The following RBMS3 variants were observed in gnomAD, a reference collection of about 807,000 sequenced individuals.
RBMS3 encodes RNA binding motif single stranded interacting protein 3, also known as RNA-binding motif, single-stranded-interacting protein 3.
A neutral mutation model predicts 66.8 loss-of-function variants in RBMS3; 27 were observed. The observed-to-expected ratio is 0.40, with a 90% confidence interval of 0.30 to 0.56. The LOEUF is 0.56. Among genes scored for constraint, RBMS3 ranks in the 20% least tolerant of loss-of-function variants. RBMS3 has a pLI of 0.40. For missense variants in RBMS3, 513 were observed against 549.5 expected, an observed-to-expected ratio of 0.93 and a Z score of 0.66; for synonymous variants, 188 against 183.0, an observed-to-expected ratio of 1.03 and a Z score of -0.22.
intron 3 of RBMS3, among the ~76,000 whole-genome samples, chr3:29,562,704 C>T (rs1181947301): frequency 2.6e-5 from 4 of 152,230 alleles, no homozygotes; most frequent in Middle Eastern, 3.4e-3. Flanking sequence ...GAGGATCTGC[C>T]GGTATCACCT....
intron 11 of RBMS3, among the ~76,000 whole-genome samples, chr3:29,943,811 T>C (rs1253119190): frequency 2.0e-5 from 3 of 151,814 alleles, no homozygotes; most frequent in Non-Finnish European, 4.4e-5. Context: ...ATTTTAGTTC[T>C]TTCTTTTGTT....
chr3:29,897,651 T>C (rs1159222718), intron 9 of RBMS3, among the ~76,000 whole-genome samples, 176 bp downstream of exon 9: 2 of 151,692 alleles, frequency 1.3e-5, no homozygotes, highest in Admixed American at 6.6e-5. Flanking sequence ...CCTGTTTGCA[T>C]CAATTCACTG....
intron 1 of RBMS3, among the ~76,000 whole-genome samples, chr3:29,408,231 C>T (rs1427475059): frequency 1.4e-5 from 2 of 145,266 alleles, no homozygotes; most frequent in Non-Finnish European, 3.0e-5. Flanking sequence ...GAGATTGCGC[C>T]ACTGCACTCC....
At chr3:29,951,760 A>G (rs1695695825) in intron 12 of RBMS3, among the ~76,000 whole-genome samples, 1 of 151,638 alleles carries the variant, frequency 6.6e-6, no homozygotes, top group Non-Finnish European at 1.5e-5. Context: ...AGAGTTAATT[A>G]TATTATCTTT....
intron 3 of RBMS3, among the ~76,000 whole-genome samples, chr3:29,517,319 ATT>A (rs140882570): frequency 1.4e-4 from 18 of 129,522 alleles, no homozygotes; most frequent in African/African-American, 5.0e-4. Flanking sequence ...ATATATATAT[ATT>A]TTTTTTTTGT....
chr3:29,912,637 T>C (rs1231167014), intron 10 of RBMS3, among the ~76,000 whole-genome samples: 2 of 152,200 alleles, frequency 1.3e-5, no homozygotes, highest in East Asian at 1.9e-4. Flanking sequence ...ACATTTCTTT[T>C]ATTAACTCTC....
intron 6 of RBMS3, among the ~76,000 whole-genome samples, chr3:29,802,148 A>G (rs144459826): frequency 2.3e-3 from 352 of 152,286 alleles, no homozygotes; most frequent in African/African-American, 8.3e-3. Context: ...CTCTACTGTT[A>G]AAACCTGACA....
At chr3:29,368,283 C>A (rs894313287) in intron 1 of RBMS3, among the ~76,000 whole-genome samples, 1 of 152,098 alleles carries the variant, frequency 6.6e-6, no homozygotes, top group Non-Finnish European at 1.5e-5. Flanking sequence ...TGTGAACTAG[C>A]AAATCCTATT....
At chr3:29,589,019 A>ATG (rs2047632350) in intron 4 of RBMS3, among the ~76,000 whole-genome samples, 1 of 152,132 alleles carries the variant, frequency 6.6e-6, no homozygotes, top group Admixed American at 6.6e-5. Context: ...TTTAGAAGTA[A>ATG]TGAAAACAGC....
intron 1 of RBMS3, among the ~76,000 whole-genome samples, chr3:29,427,440 T>A (rs1301336048): frequency 6.6e-6 from 1 of 152,190 alleles, no homozygotes; most frequent in African/African-American, 2.4e-5. Context: ...TCTTATCGTG[T>A]CCACTCTCTC....
chr3:29,484,425 G>T (rs1214563891), intron 2 of RBMS3, among the ~76,000 whole-genome samples: 1 of 151,992 alleles, frequency 6.6e-6, no homozygotes, highest in African/African-American at 2.4e-5. Flanking sequence ...TGGTCTTTTT[G>T]TGCCTGTCTC....
chr3:29,655,832 G>A (rs895540096), intron 4 of RBMS3, among the ~76,000 whole-genome samples: 5 of 151,990 alleles, frequency 3.3e-5, no homozygotes, highest in African/African-American at 1.2e-4. Flanking sequence ...TGCCCCTAAA[G>A]ACTTCTCGTG....
In RBMS3 at chr3:29,913,768, A is replaced by C. The variant is rs565456023; in HGVS notation, c.939+14013A>C. 9.9e-5 allele frequency among the ~76,000 whole-genome samples: 15 copies of C among 152,074 alleles called. No homozygotes were observed. The South Asian group carries it at 3.1e-3, about 31-fold the overall frequency. The stretch of plus-strand genomic sequence containing the variant: ...TCTGCATAACAATGTTGTATATTAA[A>C]AATCAATTCTTACTTTCCGATAAAG... On this transcript the variant is annotated intron_variant, in intron 10 of 14. Transcript: ENST00000383767.
intron 2 of RBMS3, among the ~76,000 whole-genome samples, chr3:29,483,744 T>C (rs1307734120): frequency 6.6e-6 from 1 of 152,218 alleles, no homozygotes; most frequent in African/African-American, 2.4e-5. Context: ...TTCTAATCTC[T>C]AAGACATATA....
intron 12 of RBMS3, among the ~76,000 whole-genome samples, chr3:29,966,229 TG>T (rs1696839730): frequency 6.6e-6 from 1 of 152,166 alleles, no homozygotes; most frequent in South Asian, 2.1e-4. Flanking sequence ...ATTTTAGAAT[TG>T]TTTTTTCTAA....
In RBMS3 at chr3:29,405,575, G is replaced by A. The variant is rs1292907336; in HGVS notation, c.76-29168G>A. Among the ~76,000 whole-genome samples the A allele has an allele frequency of 2.0e-5, 3 of 152,130 alleles. No individual in the cohort carries two copies. In the East Asian group the frequency reaches 5.8e-4, roughly 29 times the overall value. On this transcript the variant is annotated intron_variant, in intron 1 of 14. Transcript: ENST00000383767. ...CATACGTGGCTGTAATGTGGCTTTG[G>A]TAAGGTGGGAAGGAGAGAATATGTA...
At chr3:29,320,591 C>T (rs1439290047) in intron 1 of RBMS3, among the ~76,000 whole-genome samples, 2 of 151,848 alleles carry the variant, frequency 1.3e-5, no homozygotes, top group Non-Finnish European at 2.9e-5. Flanking sequence ...TATTCACTTA[C>T]AGAGGAATAT....
intron 4 of RBMS3, among the ~76,000 whole-genome samples, chr3:29,602,607 G>T (rs938474031): frequency 6.6e-6 from 1 of 151,852 alleles, no homozygotes; most frequent in Non-Finnish European, 1.5e-5. Flanking sequence ...GATGTTAAAG[G>T]CACCAACATT....
chr3:29,678,079 A>G (rs1256530286), intron 4 of RBMS3, among the ~76,000 whole-genome samples: 1 of 152,208 alleles, frequency 6.6e-6, no homozygotes, highest in African/African-American at 2.4e-5. Flanking sequence ...AAGTAAGGTT[A>G]CTACATTAAG....
Sources: gnomAD v4.1 joint callset for allele counts (sites outside exome capture counted in the v4.1 genomes callset) on GRCh38, gnomAD v4.1.1 for gene constraint, MANE v1.5 for transcripts, NCBI Gene and HGNC (gene_info 2026-07-23, HGNC 2026-07-21) for gene names.